Variants in TENT5D observed in about 807,000 individuals in gnomAD.
TENT5D encodes the protein cancer/testis antigen 112.
For missense variants in TENT5D, 191 were observed against 287.0 expected (o/e 0.67, Z 2.42); for synonymous variants, 103 against 100.6 (o/e 1.02, Z -0.15).
upstream of TENT5D, among the ~76,000 whole-genome samples, chrX:80,417,213 C>T (rs1431448263): frequency 9.0e-6 from 1 of 111,020 alleles, no homozygotes; most frequent in Non-Finnish European, 1.9e-5. Flanking sequence ...TGAGATTGGT[C>T]TCTTGAGGAC....
chrX:80,397,232 C>T (rs1392254361), intron 3 of TENT5D, among the ~76,000 whole-genome samples: 11 of 105,268 alleles, frequency 1.0e-4, no homozygotes, highest in African/African-American at 3.5e-4. Context: ...CGGGCAGAGA[C>T]GCTCCTCACC....
rs535906493 is a variant in TENT5D, at chrX:80,436,565, G to A, written c.-141-2045G>A. On this transcript the variant is annotated intron_variant, in intron 1 of 2. Transcript: ENST00000308293. ...TAGCCCCCCAACCCCGATAGGTCCC[G>A]GTGTGTGATGTTCCCCTCCCTGTGT... Among the ~76,000 whole-genome samples, 13 of 109,786 alleles carry A rather than the reference G, an allele frequency of 1.2e-4. No homozygotes were observed. In the South Asian group the frequency reaches 1.2e-3, roughly 10 times the overall value.
chrX:80,345,657 C>T (rs1231168085), intron 3 of TENT5D, among the ~76,000 whole-genome samples: 2 of 111,756 alleles, frequency 1.8e-5, no homozygotes, highest in Non-Finnish European at 3.8e-5. Flanking sequence ...AGAAGGATTC[C>T]GTTTTTCCTG....
chrX:80,361,689 A>G (rs1268900849), intron 3 of TENT5D, among the ~76,000 whole-genome samples: 1 of 111,932 alleles, frequency 8.9e-6, no homozygotes, highest in Admixed American at 9.5e-5. Flanking sequence ...ACCTCAGTTT[A>G]TAGTGTTATA....
intron 3 of TENT5D, among the ~76,000 whole-genome samples, chrX:80,348,872 G>C (rs928842675): frequency 1.8e-5 from 2 of 111,628 alleles, no homozygotes; most frequent in Non-Finnish European, 3.8e-5. Context: ...AACATGAAGG[G>C]GTGTTGAATT....
chrX:80,422,421 T>C (rs1272667707), intron 1 of TENT5D, among the ~76,000 whole-genome samples: 2 of 111,895 alleles, frequency 1.8e-5, no homozygotes, highest in Non-Finnish European at 3.8e-5. Context: ...TGCAGTGAGC[T>C]GAGATCGCGC....
intron 3 of TENT5D, among the ~76,000 whole-genome samples, chrX:80,369,805 G>C (rs187195135): frequency 4.5e-4 from 50 of 112,339 alleles, no homozygotes; most frequent in African/African-American, 1.5e-3. Context: ...GCTGCCTGTA[G>C]GACATGAGTA....
At chrX:80,370,459 T>C (rs962883695) in intron 3 of TENT5D, among the ~76,000 whole-genome samples, 4 of 112,278 alleles carry the variant, frequency 3.6e-5, no homozygotes, top group Non-Finnish European at 5.6e-5. Context: ...ATTTATATTT[T>C]TCCCAATAGT....
At chrX:80,435,837 CA>C (rs1250274685) in intron 1 of TENT5D, among the ~76,000 whole-genome samples, 1 of 112,261 alleles carries the variant, frequency 8.9e-6, no homozygotes, top group Non-Finnish European at 1.9e-5. Flanking sequence ...GTTAGTGGAA[CA>C]AAAAACTAGT....
chrX:80,426,068 CCT>C (rs1169221467), intron 1 of TENT5D, among the ~76,000 whole-genome samples: 2 of 110,276 alleles, frequency 1.8e-5, no homozygotes, highest in African/African-American at 3.3e-5. Flanking sequence ...TGAAATATAA[CCT>C]GAAGAAGATT....
chrX:80,440,644 T>C (rs896263372), intron 2 of TENT5D, among the ~76,000 whole-genome samples: 2 of 110,903 alleles, frequency 1.8e-5, no homozygotes, highest in African/African-American at 6.5e-5. Context: ...CCATTGAATT[T>C]TTTAAAATTT....
At chrX:80,351,591 A>G (rs1224719446) in intron 3 of TENT5D, among the ~76,000 whole-genome samples, 1 of 110,018 alleles carries the variant, frequency 9.1e-6, no homozygotes, top group Non-Finnish European at 1.9e-5. Context: ...TTCAGTTAGA[A>G]CATGCTCCTT....
chrX:80,377,403 A>G (rs957803943), intron 3 of TENT5D, among the ~76,000 whole-genome samples: 5 of 110,929 alleles, frequency 4.5e-5, no homozygotes, highest in African/African-American at 1.6e-4. Context: ...ACTCCACGAC[A>G]GGCCCCAGTG....
chrX:80,384,374 G>A (rs1342929431), intron 3 of TENT5D, among the ~76,000 whole-genome samples: 3 of 28,728 alleles, frequency 1.0e-4, no homozygotes, highest in Non-Finnish European at 2.1e-4. Context: ...AAATTCAACA[G>A]CCCTTCATGC....
At chrX:80,410,020 T>A (rs1227955864) in intron 3 of TENT5D, among the ~76,000 whole-genome samples, 1 of 106,756 alleles carries the variant, frequency 9.4e-6, no homozygotes, top group East Asian at 3.0e-4. Context: ...TAAATGGTGC[T>A]GGGAAAACTG....
chrX:80,412,827 T>C (rs1480988968), intron 3 of TENT5D, among the ~76,000 whole-genome samples: 1 of 112,213 alleles, frequency 8.9e-6, no homozygotes, highest in African/African-American at 3.2e-5. Context: ...AATATGATAG[T>C]TATTTAAAGT....
At chrX:80,405,112 T>C (rs1342174355) in intron 3 of TENT5D, among the ~76,000 whole-genome samples, 1 of 112,156 alleles carries the variant, frequency 8.9e-6, no homozygotes, top group Non-Finnish European at 1.9e-5. Context: ...AGAGCGTTAT[T>C]ATTTTTCACC....
At chrX:80,388,212 T>A (rs1931058787) in intron 3 of TENT5D, among the ~76,000 whole-genome samples, 1 of 110,955 alleles carries the variant, frequency 9.0e-6, no homozygotes, top group Non-Finnish European at 1.9e-5. Flanking sequence ...AGAGCCTGCT[T>A]GGTGCTCTCC....
At position 80,349,731 on chromosome X, in the gene TENT5D, A is replaced by C. The variant is rs189734237; in HGVS notation, c.-142+7167A>C. On this transcript the variant is annotated intron_variant, in intron 3 of 4. Transcript: ENST00000538312. ...TTGCTCTTGCTTCTCTAGTTCTTTT[A>C]ATTGTGATGTTAGGGTGTCGATATT... 4.5e-3 allele frequency among the ~76,000 whole-genome samples: 499 copies of C among 110,262 alleles called. 3 individuals are homozygous for C. The highest frequency in any genetic ancestry group is 0.015 in the African/African-American group (466 of 30,301).
Sources: gnomAD v4.1 joint callset for allele counts (sites outside exome capture counted in the v4.1 genomes callset) on GRCh38, gnomAD v4.1.1 for gene constraint, MANE v1.5 for transcripts, NCBI Gene and HGNC (gene_info 2026-07-23, HGNC 2026-07-21) for gene names.